ASB4: variants seen among roughly 807,000 people sequenced by gnomAD.
ASB4 encodes the protein ankyrin repeat and SOCS box protein 4.
In ASB4, 35 loss-of-function variants were observed where a neutral mutation model predicts 38.6. That is an observed-to-expected ratio of 0.91 (90% confidence interval 0.69 to 1.20). ASB4 has a LOEUF of 1.20. Among genes scored for constraint, ASB4 ranks in the 50% most tolerant of loss-of-function variants. The pLI, the probability that ASB4 is intolerant of heterozygous loss-of-function variation, is 0.00. For missense variants in ASB4, 557 were observed against 527.2 expected, an observed-to-expected ratio of 1.06 and a Z score of -0.55; for synonymous variants, 195 against 201.3, an observed-to-expected ratio of 0.97 and a Z score of 0.26.
Position 95,523,542 on chromosome 7 carries a change from G to C in ASB4, c.488-4271G>C, listed in dbSNP as rs955927976. 2.3e-4 allele frequency among the ~76,000 whole-genome samples: 35 copies of C among 152,262 alleles called. No homozygotes were observed. The South Asian group carries it at 3.5e-3, about 15-fold the overall frequency. On this transcript the variant is annotated intron_variant, in intron 2 of 4. Coordinates refer to ENST00000325885, the MANE Select transcript of ASB4 (RefSeq NM_016116.3). The stretch of plus-strand genomic sequence containing the variant: ...TTTTTGCAAGAATTTCTCTTTAAGT[G>C]TGTAATATACTGCTTAGTGAGGTAA...
chr7:95,481,605 T>C (rs1292689972), upstream of ASB4, among the ~76,000 whole-genome samples: 1 of 152,190 alleles, frequency 6.6e-6, no homozygotes, highest in African/African-American at 2.4e-5. Context: ...TGATTGTGGC[T>C]TAGTAGCATC....
chr7:95,495,765 G>A lies in ASB4; in HGVS notation c.195G>A (p.Trp65Ter). The A allele has an allele frequency of 1.3e-6, 2 of 1,565,218 alleles. No homozygotes were observed. Among genetic ancestry groups the A allele is most frequent in the Non-Finnish European group, 1.7e-6 (2 of 1,154,530 alleles). The stretch of plus-strand genomic sequence containing the variant: ...TTTTTTTTTTTTTTTCAGGTTACTG[G>A]TTGCCTAGCTATAAATTGAAGTCTT... ...MVLASYKQGY[W>*]LPSYKLKSSW... The change falls in exon 2 of 5, where the codon TGG becomes TGA. Residue 65 changes from tryptophan to a stop codon, truncating the protein, a stop_gained. Coordinates refer to ENST00000325885, the MANE Select transcript of ASB4 (RefSeq NM_016116.3). LOFTEE classifies it high-confidence loss of function.
chr7:95,487,307 TA>T (rs1355657898), intron 1 of ASB4, among the ~76,000 whole-genome samples: 1 of 152,210 alleles, frequency 6.6e-6, no homozygotes, highest in Non-Finnish European at 1.5e-5. Flanking sequence ...ATCTATTTTT[TA>T]AAAAGTTTAT....
At chr7:95,549,755 G>C in the ASB4 span, among the ~76,000 whole-genome samples, 1 of 152,060 alleles carries the variant, frequency 6.6e-6, no homozygotes, top group Admixed American at 6.5e-5. Context: ...GAGGGTCTAG[G>C]AGCTCACAAT....
rs1463819070 is a variant in ASB4 at position 95,539,312 on chromosome 7, G to T, written c.*1553G>T. The T allele has an allele frequency of 1.3e-5, 2 of 152,188 alleles. No individual in the cohort carries two copies. The highest frequency in any genetic ancestry group is 2.1e-4 in the South Asian group (1 of 4,838). The allele number at this position is 152,188 out of a possible 1,614,324, so 9.4% of individuals were successfully genotyped here. ...GCAATCACCTAACTGGTTAATCTCA[G>T]TTGAGACTGTGCTTCTGAACTGGGA... is the stretch of plus-strand genomic sequence containing the variant. On this transcript the variant is annotated 3_prime_UTR_variant, in exon 5 of 5. Transcript: ENST00000325885.
upstream of ASB4, among the ~76,000 whole-genome samples, chr7:95,484,732 C>T (rs185995291): frequency 6.6e-6 from 1 of 152,086 alleles, no homozygotes; most frequent in East Asian, 1.9e-4. Context: ...AATTTATTTG[C>T]ATTCTCTTTA....
chr7:95,534,174 G>A (rs138024864), intron 3 of ASB4, among the ~76,000 whole-genome samples: 2,245 of 152,092 alleles, frequency 0.015, 42 homozygotes, highest in African/African-American at 0.051. Context: ...GTGAAACCTC[G>A]TCTCTGCTAA....
At chr7:95,528,546 T>G (rs1191589506) in intron 3 of ASB4, 21 of 1,424,562 alleles carry the variant, frequency 1.5e-5, no homozygotes, top group Non-Finnish European at 1.9e-5. Context: ...TTGTTTTGCC[T>G]TGTGTGAACA....
At chr7:95,473,957 C>T (rs548222118), upstream of ASB4, 1 of 152,304 alleles carries the variant, frequency 6.6e-6, no homozygotes, top group South Asian at 2.1e-4. Context: ...AATCTTTAGG[C>T]TTCACCTTCC....
chr7:95,498,814 A>AT (rs997395257), intron 2 of ASB4, among the ~76,000 whole-genome samples: 33 of 152,072 alleles, frequency 2.2e-4, no homozygotes, highest in African/African-American at 7.7e-4. Flanking sequence ...TTTTGAGTTA[A>AT]TTTTTTTATA....
At chr7:95,489,693 A>G (rs1037853819) in intron 1 of ASB4, among the ~76,000 whole-genome samples, 1 of 152,240 alleles carries the variant, frequency 6.6e-6, no homozygotes, top group African/African-American at 2.4e-5. Flanking sequence ...ACTTTAAAAT[A>G]AAAACGATAT....
intron 1 of ASB4, among the ~76,000 whole-genome samples, chr7:95,491,882 C>A (rs1488122423): frequency 6.6e-6 from 1 of 152,204 alleles, no homozygotes; most frequent in Non-Finnish European, 1.5e-5. Flanking sequence ...CTTTTCTCTG[C>A]TCAAAGCAGC....
intron 1 of ASB4, among the ~76,000 whole-genome samples, chr7:95,491,188 A>G (rs937004008): frequency 1.4e-4 from 21 of 152,244 alleles, no homozygotes; most frequent in African/African-American, 5.1e-4. Context: ...TCAAAGCCAC[A>G]TGGGCATGGC....
At chr7:95,476,505 C>T (rs1789978592), upstream of ASB4, among the ~76,000 whole-genome samples, 2 of 152,160 alleles carry the variant, frequency 1.3e-5, no homozygotes, top group South Asian at 2.1e-4. Context: ...AGCTCTTTTA[C>T]CCCCTGGAGC....
downstream of ASB4, among the ~76,000 whole-genome samples, chr7:95,544,795 A>G (rs539140283): frequency 5.3e-5 from 8 of 152,176 alleles, no homozygotes; most frequent in African/African-American, 1.9e-4. Context: ...CCCAGGTTCA[A>G]GGGATTCTGT....
downstream of ASB4, among the ~76,000 whole-genome samples, chr7:95,541,206 G>A (rs1027434299): frequency 3.3e-5 from 5 of 152,070 alleles, no homozygotes; most frequent in African/African-American, 1.2e-4. Flanking sequence ...ACCTGCTCCA[G>A]GCCTCAGTTT....
At chr7:95,490,085 C>T (rs1042790285) in intron 1 of ASB4, among the ~76,000 whole-genome samples, 8 of 152,234 alleles carry the variant, frequency 5.3e-5, no homozygotes, top group African/African-American at 1.9e-4. Context: ...TTAAGTACTT[C>T]GTTTATGGCC....
rs1790759227 is a variant in ASB4 at position 95,527,794 on chromosome 7, C to T, written c.488-19C>T. On this transcript the variant is annotated intron_variant, in intron 2 of 4. Transcript: ENST00000325885. ...CAAAACATGTTTAAATAATTGTCTT[C>T]CTCAATTTCCCTTTATAGGGGCGAA... 6.4e-7 allele frequency: 1 copy of T among 1,573,680 alleles called. No homozygotes were observed.
chr7:95,529,711 A>T (rs947583153), intron 3 of ASB4, among the ~76,000 whole-genome samples: 2 of 152,226 alleles, frequency 1.3e-5, no homozygotes, highest in South Asian at 4.1e-4. Flanking sequence ...CAAATGATTA[A>T]GATGAGGAAT....
Sources: allele counts gnomAD v4.1 joint callset (sites outside exome capture counted in the v4.1 genomes callset), GRCh38; gene constraint gnomAD v4.1.1; transcripts MANE v1.5; gene names NCBI Gene and HGNC (gene_info 2026-07-23, HGNC 2026-07-21).